The following TOGARAM2 variants were observed in gnomAD, a reference collection of about 807,000 sequenced individuals.
TOGARAM2 encodes TOG array regulator of axonemal microtubules protein 2.
Under a neutral mutation model 93.3 loss-of-function variants are expected in TOGARAM2, and 85 were observed. That is an observed-to-expected ratio of 0.91 (90% CI 0.76 to 1.09). The LOEUF (loss-of-function observed/expected upper bound fraction) is 1.09, where lower values mean the gene tolerates loss of function less well. Among genes scored for constraint, TOGARAM2 ranks in the 50% least tolerant of loss-of-function variants. TOGARAM2 has a pLI of 0.00. For missense variants in TOGARAM2, 1,277 were observed against 1,334.5 expected (o/e 0.96, Z 0.67); for synonymous variants, 593 against 552.8 (o/e 1.07, Z -1.02).
chr2:28,961,887 A>G (rs1262937425), intron 1 of TOGARAM2, among the ~76,000 whole-genome samples: 1 of 152,188 alleles, frequency 6.6e-6, no homozygotes, highest in Admixed American at 6.5e-5. Flanking sequence ...TATAAATAAC[A>G]TCATACAAAG....
At chr2:29,006,311 C>CTG (rs1277273410) in intron 6 of TOGARAM2, among the ~76,000 whole-genome samples, 1 of 121,146 alleles carries the variant, frequency 8.3e-6, no homozygotes, top group African/African-American at 3.2e-5. Flanking sequence ...GTGTGAGTGC[C>CTG]TGTGTGTGGA....
intron 1 of TOGARAM2, among the ~76,000 whole-genome samples, chr2:28,964,244 T>C (rs1671837336): frequency 6.6e-6 from 1 of 152,234 alleles, no homozygotes; most frequent in African/African-American, 2.4e-5. Flanking sequence ...ATATTCACAT[T>C]TAAGACTGTT....
chr2:28,978,701 G>A (rs970699173), upstream of TOGARAM2, among the ~76,000 whole-genome samples: 8 of 152,180 alleles, frequency 5.3e-5, no homozygotes. Context: ...TTCCCAGCTT[G>A]TGATTCTGTA....
At chr2:28,960,533 C>T (rs1671788640) in intron 1 of TOGARAM2, among the ~76,000 whole-genome samples, 2 of 152,126 alleles carry the variant, frequency 1.3e-5, no homozygotes, top group Non-Finnish European at 2.9e-5. Flanking sequence ...GTTACTTTTG[C>T]TCTAAAACGG....
chr2:29,028,831 T>A (rs1320773309), intron 14 of TOGARAM2, among the ~76,000 whole-genome samples: 1 of 152,178 alleles, frequency 6.6e-6, no homozygotes, highest in Non-Finnish European at 1.5e-5. Flanking sequence ...CTGAAGATGC[T>A]CTTAAGTTTT....
At chr2:29,015,842 C>G (rs573968458) in intron 8 of TOGARAM2, among the ~76,000 whole-genome samples, 1 of 152,246 alleles carries the variant, frequency 6.6e-6, no homozygotes, top group Admixed American at 6.5e-5. Flanking sequence ...CTCCTCATCT[C>G]CCCGGCCTCT....
chr2:28,994,920 C>T (rs374184502), intron 2 of TOGARAM2, 58 bp downstream of exon 2: 98 of 1,540,108 alleles, frequency 6.4e-5, no homozygotes, highest in African/African-American at 3.2e-4. Flanking sequence ...GGACCTGCCT[C>T]GGACACTCCC....
intron 1 of TOGARAM2, among the ~76,000 whole-genome samples, chr2:28,960,618 G>A (rs1671789839): frequency 6.6e-6 from 1 of 152,194 alleles, no homozygotes; most frequent in Non-Finnish European, 1.5e-5. Flanking sequence ...TTGTCTTGCA[G>A]AATGAGCCAC....
At chr2:28,979,326 G>A (rs7571686), upstream of TOGARAM2, among the ~76,000 whole-genome samples, 61,931 of 152,146 alleles carry the variant, frequency 0.41, 14,374 homozygotes, top group Middle Eastern at 0.54. Flanking sequence ...TGTGCCTGGC[G>A]GGCACACTGA....
At chr2:28,992,415 C>A (rs902918875) in intron 1 of TOGARAM2, among the ~76,000 whole-genome samples, 1 of 152,088 alleles carries the variant, frequency 6.6e-6, no homozygotes, top group Non-Finnish European at 1.5e-5. Flanking sequence ...GATGCTTTGG[C>A]GAGCCATGGA....
intron 18 of TOGARAM2, among the ~76,000 whole-genome samples, chr2:29,039,307 A>G (rs1445383263): frequency 6.6e-6 from 1 of 152,162 alleles, no homozygotes; most frequent in East Asian, 1.9e-4. Context: ...GCTGGAGACG[A>G]CTGTTGAATG....
intron 19 of TOGARAM2, chr2:29,045,690 C>T: frequency 2.3e-6 from 1 of 429,192 alleles, no homozygotes. Context: ...AGAAATGCTC[C>T]AAAACCTGAA....
intron 6 of TOGARAM2, among the ~76,000 whole-genome samples, chr2:29,006,275 G>A (rs972414442): frequency 6.7e-6 from 1 of 149,494 alleles, no homozygotes; most frequent in South Asian, 2.2e-4. Context: ...GAGTGTATAT[G>A]TGTGCATGTA....
At position 29,004,817 on chromosome 2, in the gene TOGARAM2, GTA is replaced by G. The variant is rs1457798760; in HGVS notation, c.830+1137_830+1138del. Among the ~76,000 whole-genome samples the G allele has an allele frequency of 5.9e-5, 9 of 151,374 alleles. No homozygotes were observed. In the South Asian group the frequency reaches 1.3e-3, roughly 21 times the overall value. ...GAGTGTGTCTGAGTGCATGTGTGGAGTATGTGTGTGCATGTATGTGTATGAGT... is the reference window on the plus strand; with the variant it reads ...GAGTGTGTCTGAGTGCATGTGTGGAGTGTGTGTGCATGTATGTGTATGAGT... On this transcript the variant is annotated intron_variant, in intron 6 of 19. Coordinates refer to ENST00000379558, the MANE Select transcript of TOGARAM2 (RefSeq NM_199280.4).
chr2:28,976,926 G>T (rs1004642725), upstream of TOGARAM2, among the ~76,000 whole-genome samples: 8 of 152,218 alleles, frequency 5.3e-5, no homozygotes, highest in African/African-American at 2.4e-5. Context: ...GGCCTTGGAG[G>T]GGGTGGGGCA....
intron 1 of TOGARAM2, among the ~76,000 whole-genome samples, chr2:28,972,969 G>A (rs770302419): frequency 1.3e-5 from 2 of 152,152 alleles, no homozygotes; most frequent in Admixed American, 1.3e-4. Flanking sequence ...TCCGAGCCAC[G>A]TGGCCAAGCC....
chr2:29,019,177 CT>C (rs61378143), intron 10 of TOGARAM2, among the ~76,000 whole-genome samples: 2,367 of 121,674 alleles, frequency 0.019, 22 homozygotes, highest in Non-Finnish European at 0.023. Context: ...CCAACTGACT[CT>C]TTTTTTTTTT....
At chr2:28,982,025 TA>T (rs1228894374) in intron 1 of TOGARAM2, among the ~76,000 whole-genome samples, 1 of 152,166 alleles carries the variant, frequency 6.6e-6, no homozygotes, top group African/African-American at 2.4e-5. Context: ...GTTTGAATTC[TA>T]ACCCCCCCTC....
At chr2:29,011,402 T>A in intron 6 of TOGARAM2, 53 bp from the exon 7 acceptor site, 2 of 1,573,850 alleles carry the variant, frequency 1.3e-6, no homozygotes, top group Non-Finnish European at 1.7e-6. Flanking sequence ...CCCCCAGCAG[T>A]GTCTCTGGCT....
Sources: gnomAD v4.1 joint callset for allele counts (sites outside exome capture counted in the v4.1 genomes callset) on GRCh38, gnomAD v4.1.1 for gene constraint, MANE v1.5 for transcripts, NCBI Gene and HGNC (gene_info 2026-07-23, HGNC 2026-07-21) for gene names.